The following FAM234B variants were observed in gnomAD, a reference collection of about 807,000 sequenced individuals.
FAM234B encodes the protein protein FAM234B.
FAM234B carries 33 observed loss-of-function variants against 69.3 expected under a neutral mutation model. That is an observed-to-expected ratio of 0.48 (90% CI 0.36 to 0.64). The LOEUF (loss-of-function observed/expected upper bound fraction) is 0.64, where lower values mean the gene tolerates loss of function less well. Among genes scored for constraint, FAM234B ranks in the 30% least tolerant of loss-of-function variants. The pLI is 0.00. For missense variants in FAM234B, 697 were observed against 769.7 expected, an observed-to-expected ratio of 0.91 and a Z score of 1.12; for synonymous variants, 306 against 306.9, an observed-to-expected ratio of 1.00 and a Z score of 0.03.
intron 10 of FAM234B, among the ~76,000 whole-genome samples, chr12:13,072,016 C>G (rs12368143): frequency 0.02 from 2,989 of 152,218 alleles, 58 homozygotes; most frequent in Non-Finnish European, 0.029. Flanking sequence ...TTAGTAAGAC[C>G]CGCCCTGCCT....
At chr12:13,053,187 G>A (rs970748302) in intron 1 of FAM234B, among the ~76,000 whole-genome samples, 6 of 152,072 alleles carry the variant, frequency 3.9e-5, no homozygotes, top group Non-Finnish European at 7.4e-5. Flanking sequence ...AAAATAAATA[G>A]AAATAATTTC....
intron 1 of FAM234B, among the ~76,000 whole-genome samples, chr12:13,050,646 C>A (rs1312920048): frequency 6.6e-6 from 1 of 151,962 alleles, no homozygotes; most frequent in East Asian, 1.9e-4. Flanking sequence ...TGAATCCTGG[C>A]TTTTCTTTTG....
rs747891385 is a variant in FAM234B at position 13,080,626 on chromosome 12, T to C, written c.1865T>C (p.Ile622Thr). The C allele has an allele frequency of 1.9e-6, 3 of 1,605,720 alleles. No individual in the cohort carries two copies. In the South Asian group the frequency reaches 3.3e-5, roughly 18 times the overall value. The change falls in exon 13 of 13, where the codon ATC becomes ACC. Residue 622 changes from isoleucine (I) to threonine (T), a missense_variant and splice_region_variant. Physicochemically the swap from Ile to Thr is moderately conservative, Grantham distance 89. This residue lies in a region of FAM234B where 313 missense variants were observed against 305.5 expected (regional missense o/e 1.02). Transcript: ENST00000197268. Reference sequence around the variant, plus strand: ...GTCACGATAACTCTTTTTCCATAGATCTAATCTGATGGAATCTTCAGTTGC... The same window carrying C: ...GTCACGATAACTCTTTTTCCATAGACCTAATCTGATGGAATCTTCAGTTGC... ...RIKFVEAPYE[I>T] is the part of the protein sequence containing the mutation.
chr12:13,044,542 A>C lies in FAM234B; in HGVS notation c.37+102A>C. 7.6e-7 allele frequency: 1 copy of C among 1,321,050 alleles called. No individual in the cohort carries two copies. Among genetic ancestry groups the C allele is most frequent in the Non-Finnish European group, 1.1e-6 (1 of 947,718 alleles). 81.8% of individuals were successfully genotyped at this position (1,321,050 alleles called of 1,614,324 possible). ...GCCGGTCGGGCCCTGGCCTCAACCCAGACTCAGCTGCAGGCGCCCGGTGCC... is the reference window on the plus strand; with the variant it reads ...GCCGGTCGGGCCCTGGCCTCAACCCCGACTCAGCTGCAGGCGCCCGGTGCC... On this transcript the variant is annotated intron_variant, in intron 1 of 12. Transcript: ENST00000197268. The surrounding 1 kb of genome is among the most constrained non-coding windows in gnomAD (Gnocchi z 5.6).
At chr12:13,077,739 C>T (rs1865178021) in intron 11 of FAM234B, among the ~76,000 whole-genome samples, 1 of 152,064 alleles carries the variant, frequency 6.6e-6, no homozygotes, top group Non-Finnish European at 1.5e-5. Context: ...TATACGTGTG[C>T]ATGTGTCTTT....
At chr12:13,056,401 C>T (rs2120458894) in intron 2 of FAM234B, among the ~76,000 whole-genome samples, 1 of 152,262 alleles carries the variant, frequency 6.6e-6, no homozygotes, top group African/African-American at 2.4e-5. Context: ...AAGATAGTTG[C>T]TATCTTTTCT....
Position 13,067,355 on chromosome 12 carries a change from G to A in FAM234B, c.1142+59G>A, listed in dbSNP as rs1865051947. ...ATCTCTTGTGAACTCACATGCCTTT[G>A]AGTCTCTAAGTTTGGTTGGGCTGGT... On this transcript the variant is annotated intron_variant, in intron 7 of 12. Coordinates refer to ENST00000197268, the MANE Select transcript of FAM234B (RefSeq NM_020853.2). The surrounding 1 kb of genome is among the most constrained non-coding windows in gnomAD (Gnocchi z 4.7). 1 of 1,591,980 alleles carries A rather than the reference G, an allele frequency of 6.3e-7. No homozygotes were observed. The highest frequency in any genetic ancestry group is 1.1e-5 in the South Asian group (1 of 89,998).
intron 3 of FAM234B, 108 bp from the exon 4 acceptor site, chr12:13,061,467 G>T: frequency 4.9e-6 from 4 of 814,068 alleles, no homozygotes; most frequent in Non-Finnish European, 7.7e-6. Context: ...CACAAGTGTG[G>T]TTGCTGCCTT....
At chr12:13,046,987 G>T (rs987380033) in intron 1 of FAM234B, among the ~76,000 whole-genome samples, 4 of 152,178 alleles carry the variant, frequency 2.6e-5, no homozygotes, top group Non-Finnish European at 4.4e-5. Flanking sequence ...AAAGGAGATG[G>T]ATGTACTTAG....
chr12:13,046,989 T>C (rs911853530), intron 1 of FAM234B, among the ~76,000 whole-genome samples: 1 of 152,234 alleles, frequency 6.6e-6, no homozygotes, highest in Admixed American at 6.5e-5. Context: ...AGGAGATGGA[T>C]GTACTTAGGA....
rs1022873760 is a variant in FAM234B at position 13,044,539 on chromosome 12, C to A, written c.37+99C>A. 1.8e-5 allele frequency: 25 copies of A among 1,355,122 alleles called. No homozygotes were observed. The highest frequency in any genetic ancestry group is 1.7e-4 in the Admixed American group (8 of 47,988). The allele number at this position is 1,355,122 out of a possible 1,614,324, so 83.9% of individuals were successfully genotyped here. A position where few individuals can be genotyped will look rare whatever the true frequency, so the allele number is the denominator to read the frequency against. ...GAGGCCGGTCGGGCCCTGGCCTCAA[C>A]CCAGACTCAGCTGCAGGCGCCCGGT... On this transcript the variant is annotated intron_variant, in intron 1 of 12. Coordinates refer to ENST00000197268, the MANE Select transcript of FAM234B (RefSeq NM_020853.2). This position sits in a 1 kb window ranked among gnomAD's most constrained non-coding sequence, Gnocchi z 5.6.
intron 1 of FAM234B, 40 bp from the exon 2 acceptor site, chr12:13,055,511 C>G: frequency 6.5e-7 from 1 of 1,532,650 alleles, no homozygotes; most frequent in Non-Finnish European, 8.8e-7. Flanking sequence ...GGTGTCTTCT[C>G]CCCAGTTCCC....
intron 4 of FAM234B, 92 bp downstream of exon 4, chr12:13,061,855 A>C: frequency 9.6e-7 from 1 of 1,045,802 alleles, no homozygotes; most frequent in Non-Finnish European, 1.4e-6. Context: ...TTTGACTCTC[A>C]CGTGGTGGAG....
In FAM234B at chr12:13,072,896, A is replaced by T. The variant is rs563453512; in HGVS notation, c.1524+1500A>T. 2.6e-5 allele frequency among the ~76,000 whole-genome samples: 4 copies of T among 152,280 alleles called. No homozygotes were observed. The East Asian group carries it at 5.8e-4, about 22-fold the overall frequency. ...TTTTTTACATTATAAACTGAAAAAAATGAGAGCCCTTTAAAGATTTCTTAA... is the reference window on the plus strand; with the variant it reads ...TTTTTTACATTATAAACTGAAAAAATTGAGAGCCCTTTAAAGATTTCTTAA... On this transcript the variant is annotated intron_variant, in intron 10 of 12. Coordinates refer to ENST00000197268, the MANE Select transcript of FAM234B (RefSeq NM_020853.2).
chr12:13,044,568 G>C lies in FAM234B; in HGVS notation c.37+128G>C, dbSNP rs1409689301. The C allele has an allele frequency of 2.0e-6, 2 of 1,010,054 alleles. No individual in the cohort carries two copies. The highest frequency in any genetic ancestry group is 3.0e-6 in the Non-Finnish European group (2 of 674,974). 62.6% of individuals were successfully genotyped at this position (1,010,054 alleles called of 1,614,324 possible). On this transcript the variant is annotated intron_variant, in intron 1 of 12. Transcript: ENST00000197268. This position sits in a 1 kb window ranked among gnomAD's most constrained non-coding sequence, Gnocchi z 5.6. ...GACTCAGCTGCAGGCGCCCGGTGCC[G>C]AGGAGGGTGCAGTCCCTTGGGGCTG...
intron 10 of FAM234B, among the ~76,000 whole-genome samples, chr12:13,075,433 CTTT>C (rs59012504): frequency 1.5e-5 from 2 of 137,504 alleles, no homozygotes; most frequent in African/African-American, 2.7e-5. Context: ...CTTTTCTTTT[CTTT>C]TTTTTTTTTT....
At chr12:13,047,095 G>C (rs1013914620) in intron 1 of FAM234B, among the ~76,000 whole-genome samples, 8 of 152,158 alleles carry the variant, frequency 5.3e-5, no homozygotes, top group African/African-American at 1.7e-4. Context: ...CTGAAGGAAG[G>C]CTTGATGTAA....
In FAM234B at chr12:13,067,202, A is replaced by T; in HGVS notation, c.1048A>T (p.Asn350Tyr). 1 of 1,614,070 alleles carries T rather than the reference A, an allele frequency of 6.2e-7. No individual in the cohort carries two copies. Among genetic ancestry groups the T allele is most frequent in the Non-Finnish European group, 8.5e-7 (1 of 1,179,922 alleles). Residue 350 changes from asparagine to tyrosine, a missense_variant, in exon 7 of 13, where the codon AAT becomes TAT. This residue lies in a region of FAM234B where 380 missense variants were observed against 447.1 expected (regional missense o/e 0.85). Transcript: ENST00000197268. This position sits in a 1 kb window ranked among gnomAD's most constrained non-coding sequence, Gnocchi z 4.7. ...ALRDIFVQAQNRDSSPPSLQI... is the reference protein window; with the variant it reads ...ALRDIFVQAQYRDSSPPSLQI... The stretch of plus-strand genomic sequence containing the variant: ...GCGGGACATTTTTGTTCAGGCCCAA[A>T]ATCGAGACAGCTCACCACCTTCTCT...
chr12:13,066,623 C>G lies in FAM234B; in HGVS notation c.853-17C>G, dbSNP rs201299734. ...TAGGGCTTCTATTGACTCCACCCCCCTCTCTTACTTCCTCAGCCAGATCTG... is the reference window on the plus strand; with the variant it reads ...TAGGGCTTCTATTGACTCCACCCCCGTCTCTTACTTCCTCAGCCAGATCTG... On this transcript the variant is annotated splice_polypyrimidine_tract_variant and intron_variant, in intron 5 of 12. Coordinates refer to ENST00000197268, the MANE Select transcript of FAM234B (RefSeq NM_020853.2). The G allele has an allele frequency of 4.8e-5, 77 of 1,604,290 alleles. No individual in the cohort carries two copies. In the South Asian group the frequency reaches 8.1e-4, roughly 17 times the overall value.
Sources: allele counts gnomAD v4.1 joint callset (sites outside exome capture counted in the v4.1 genomes callset), GRCh38; gene constraint gnomAD v4.1.1; regional missense constraint gnomAD v4.1.1; non-coding constraint Gnocchi (gnomAD v3.1); transcripts MANE v1.5; gene names NCBI Gene and HGNC (gene_info 2026-07-23, HGNC 2026-07-21).